Variants in ARHGAP24 observed in about 807,000 individuals in gnomAD.
ARHGAP24 encodes rho GTPase-activating protein 24.
In ARHGAP24, 50 loss-of-function variants were observed where a neutral mutation model predicts 76.4. The observed-to-expected ratio is 0.65, with a 90% CI of 0.52 to 0.83. ARHGAP24 has a LOEUF of 0.83. Ranked by LOEUF, ARHGAP24 falls within the 40% of genes least tolerant of loss-of-function variation. ARHGAP24 has a pLI of 0.00. For synonymous variants in ARHGAP24, 345 were observed against 323.3 expected, an observed-to-expected ratio of 1.07 and a Z score of -0.72; for missense variants, 930 against 914.2, an observed-to-expected ratio of 1.02 and a Z score of -0.22.
At chr4:85,838,870 A>T (rs1730438499) in intron 3 of ARHGAP24, among the ~76,000 whole-genome samples, 1 of 152,078 alleles carries the variant, frequency 6.6e-6, no homozygotes. Context: ...CCACCTTGGA[A>T]ATTTTCTGCT....
At chr4:85,765,158 A>G (rs1726880731) in intron 3 of ARHGAP24, among the ~76,000 whole-genome samples, 1 of 152,150 alleles carries the variant, frequency 6.6e-6, no homozygotes, top group African/African-American at 2.4e-5. Context: ...AGCTGAATAC[A>G]CTAGATATGC....
At chr4:85,968,523 C>T (rs1164843102) in intron 5 of ARHGAP24, among the ~76,000 whole-genome samples, 1 of 152,076 alleles carries the variant, frequency 6.6e-6, no homozygotes, top group Non-Finnish European at 1.5e-5. Context: ...AGTGGATTTT[C>T]AATAGGAGAT....
intron 3 of ARHGAP24, among the ~76,000 whole-genome samples, chr4:85,873,000 A>G (rs1452385066): frequency 6.6e-6 from 1 of 152,214 alleles, no homozygotes; most frequent in Admixed American, 6.5e-5. Context: ...ATCATTAGCC[A>G]TAAGATTGCT....
chr4:85,761,699 C>T (rs1181516757), intron 3 of ARHGAP24, among the ~76,000 whole-genome samples: 1 of 152,068 alleles, frequency 6.6e-6, no homozygotes, highest in East Asian at 1.9e-4. Flanking sequence ...AAAAAGATGC[C>T]TAAAATATAT....
chr4:85,662,732 A>T (rs930109285), intron 2 of ARHGAP24, among the ~76,000 whole-genome samples: 2 of 152,182 alleles, frequency 1.3e-5, no homozygotes, highest in Non-Finnish European at 2.9e-5. Context: ...AGCTTTCTAC[A>T]TATGGCCAGC....
At chr4:85,761,654 G>T (rs1726737356) in intron 3 of ARHGAP24, among the ~76,000 whole-genome samples, 2 of 152,148 alleles carry the variant, frequency 1.3e-5, no homozygotes, top group Admixed American at 6.6e-5. Flanking sequence ...AAGAATGAAT[G>T]CAGTATGAGA....
chr4:85,625,918 G>T (rs1560558758), intron 2 of ARHGAP24, among the ~76,000 whole-genome samples: 1 of 151,914 alleles, frequency 6.6e-6, no homozygotes, highest in Non-Finnish European at 1.5e-5. Context: ...TTTTCTATTT[G>T]CTTGGTAGAT....
chr4:85,947,138 A>G (rs1578419792), intron 5 of ARHGAP24, among the ~76,000 whole-genome samples: 2 of 152,064 alleles, frequency 1.3e-5, no homozygotes, highest in Non-Finnish European at 2.9e-5. Flanking sequence ...TTCTTTTGAG[A>G]AGTATCTGTT....
At chr4:85,486,338 A>G (rs1264232741) in intron 1 of ARHGAP24, among the ~76,000 whole-genome samples, 1 of 152,146 alleles carries the variant, frequency 6.6e-6, no homozygotes, top group Non-Finnish European at 1.5e-5. Flanking sequence ...TACAAGGGTC[A>G]AGATACCAAA....
chr4:85,880,597 C>T (rs1733194191), intron 3 of ARHGAP24, among the ~76,000 whole-genome samples: 1 of 152,136 alleles, frequency 6.6e-6, no homozygotes, highest in African/African-American at 2.4e-5. Context: ...GGCACGACCT[C>T]TGCTCACTGC....
At chr4:85,492,981 G>A (rs895815704) in intron 1 of ARHGAP24, among the ~76,000 whole-genome samples, 4 of 151,992 alleles carry the variant, frequency 2.6e-5, no homozygotes, top group Non-Finnish European at 2.9e-5. Context: ...CGTATCTTAC[G>A]AGATCTTGAC....
At chr4:85,989,398 A>C (rs2148866456) in intron 8 of ARHGAP24, among the ~76,000 whole-genome samples, 1 of 151,812 alleles carries the variant, frequency 6.6e-6, no homozygotes, top group East Asian at 1.9e-4. Flanking sequence ...AGCTAAAAAC[A>C]TTCCCACAAA....
intron 3 of ARHGAP24, among the ~76,000 whole-genome samples, chr4:85,834,917 T>C (rs1036678013): frequency 1.1e-4 from 16 of 152,330 alleles, no homozygotes; most frequent in African/African-American, 3.6e-4. Context: ...AAGTAAAGAA[T>C]ACTGAGAGTA....
chr4:85,724,344 A>G (rs13110928), intron 3 of ARHGAP24, among the ~76,000 whole-genome samples: 22,916 of 152,072 alleles, frequency 0.15, 2,382 homozygotes, highest in East Asian at 0.55. Context: ...TCTGCCCATA[A>G]TGATTTCCAA....
At chr4:85,765,202 A>G (rs1036963891) in intron 3 of ARHGAP24, among the ~76,000 whole-genome samples, 2 of 152,160 alleles carry the variant, frequency 1.3e-5, no homozygotes, top group East Asian at 1.9e-4. Flanking sequence ...AAAGGTAGCT[A>G]TTGCTTAAAA....
chr4:85,608,714 T>C (rs1390827007), intron 2 of ARHGAP24, among the ~76,000 whole-genome samples: 3 of 151,914 alleles, frequency 2.0e-5, no homozygotes, highest in Non-Finnish European at 4.4e-5. Flanking sequence ...CGTGCCACCC[T>C]GCCCAGCTAA....
At chr4:85,979,453 C>T (rs1353956728) in intron 8 of ARHGAP24, among the ~76,000 whole-genome samples, 1 of 152,070 alleles carries the variant, frequency 6.6e-6, no homozygotes, top group African/African-American at 2.4e-5. Context: ...CATTGCAAAA[C>T]TGAAACTCCC....
chr4:85,623,676 A>T (rs6831371), intron 2 of ARHGAP24, among the ~76,000 whole-genome samples: 90,749 of 150,762 alleles, frequency 0.6, 28,186 homozygotes, highest in African/African-American at 0.66. Context: ...ATAAATTACC[A>T]TGGGCAGTAT....
chr4:85,828,557 A>C (rs1266453385), intron 3 of ARHGAP24, among the ~76,000 whole-genome samples: 1 of 151,684 alleles, frequency 6.6e-6, no homozygotes, highest in Admixed American at 6.6e-5. Context: ...ACCAAATAAT[A>C]CGTGCTATCT....
Sources: allele counts gnomAD v4.1 joint callset (sites outside exome capture counted in the v4.1 genomes callset), GRCh38; gene constraint gnomAD v4.1.1; transcripts MANE v1.5; gene names NCBI Gene and HGNC (gene_info 2026-07-23, HGNC 2026-07-21).